Variants in AKAP13 observed in about 807,000 individuals in gnomAD.
AKAP13 encodes the protein A-kinase anchoring protein 13.
In AKAP13, 80 loss-of-function variants were observed where a neutral mutation model predicts 264.5. That is an observed-to-expected ratio of 0.30 (90% CI 0.25 to 0.36). The LOEUF (loss-of-function observed/expected upper bound fraction) is 0.36, where lower values mean the gene tolerates loss of function less well. Ranked by LOEUF, AKAP13 falls within the 10% of genes least tolerant of loss-of-function variation. The probability of loss-of-function intolerance (pLI) is 1.00; values close to 1 mark genes in which losing one functional copy is unlikely to be tolerated. For synonymous variants in AKAP13, 1,380 were observed against 1,250.2 expected, an observed-to-expected ratio of 1.10 and a Z score of -2.19; for missense variants, 3,712 against 3,435.2, an observed-to-expected ratio of 1.08 and a Z score of -2.01.
chr15:85,685,935 A>C (rs1030386003), intron 16 of AKAP13, among the ~76,000 whole-genome samples: 12 of 152,162 alleles, frequency 7.9e-5, no homozygotes, highest in African/African-American at 2.9e-4. Context: ...ATCTTTTTTA[A>C]AAATGTATTT....
rs76737099 is a variant in AKAP13 at position 85,708,444 on chromosome 15, A to G, written c.5532+358A>G. ...ACACCTGTCTTCCTCCTTCAGGACT[A>G]TCAGGGCAGCAGGTGGAGGTCAGGG... On this transcript the variant is annotated intron_variant, in intron 18 of 36. Transcript: ENST00000394518. The surrounding 1 kb of genome is among the most constrained non-coding windows in gnomAD (Gnocchi z 4.3). 0.01 allele frequency among the ~76,000 whole-genome samples: 1,557 copies of G among 152,162 alleles called. 28 individuals carry two copies. Among genetic ancestry groups the G allele is most frequent in the African/African-American group, 0.033 (1,364 of 41,500 alleles).
intron 8 of AKAP13, among the ~76,000 whole-genome samples, chr15:85,601,494 C>T (rs981192451): frequency 6.6e-6 from 1 of 152,056 alleles, no homozygotes; most frequent in African/African-American, 2.4e-5. Context: ...AAGATTCTAT[C>T]CTTTTCCCCC....
chr15:85,650,733 G>T lies in AKAP13; in HGVS notation c.4375-4684G>T, dbSNP rs552612742. ...ATTGTGCCACCATACTCCAGCCTGG[G>T]CAACAGAGTGAGACTCCATCTCAAA... On this transcript the variant is annotated intron_variant, in intron 10 of 36. Coordinates refer to ENST00000394518, the MANE Select transcript of AKAP13 (RefSeq NM_007200.5). 8.5e-5 allele frequency among the ~76,000 whole-genome samples: 8 copies of T among 94,614 alleles called. No homozygotes were observed. The East Asian group carries it at 2.5e-3, about 29-fold the overall frequency. The allele number at this position is 94,614 out of a possible 152,430, so 62.1% of individuals were successfully genotyped here. A position where few individuals can be genotyped will look rare whatever the true frequency, so the allele number is the denominator to read the frequency against.
chr15:85,434,354 A>G (rs2073169547), intron 1 of AKAP13, among the ~76,000 whole-genome samples: 1 of 152,198 alleles, frequency 6.6e-6, no homozygotes, highest in Non-Finnish European at 1.5e-5. Context: ...CTAGCACAGC[A>G]GTCTGAAATC....
At chr15:85,634,840 CTT>C (rs34893286) in intron 8 of AKAP13, among the ~76,000 whole-genome samples, 59 of 142,762 alleles carry the variant, frequency 4.1e-4, no homozygotes, top group East Asian at 6.1e-4. Context: ...TTGAGTCTGG[CTT>C]TTTTTTTTTT....
Position 85,579,139 on chromosome 15 carries a change from A to C in AKAP13, c.1071A>C (p.Ser357=), listed in dbSNP as rs549413677. 4.1e-5 allele frequency: 66 copies of C among 1,614,152 alleles called. 1 individual carries two copies. In the East Asian group the frequency reaches 1.0e-3, roughly 25 times the overall value. The stretch of plus-strand genomic sequence containing the variant: ...AGACTGAAAGTCCCTGTGATTTGTC[A>C]AGCATAGTTGAGGAGGAGAATACAG... The part of the protein sequence containing the change: ...VAQTESPCDL[S]SIVEEENTDR... The change falls in exon 7 of 37, where the codon TCA becomes TCC. Residue 357 remains serine, a synonymous_variant. Coordinates refer to ENST00000394518, the MANE Select transcript of AKAP13 (RefSeq NM_007200.5).
intron 1 of AKAP13, among the ~76,000 whole-genome samples, chr15:85,401,874 G>C (rs978476488): frequency 6.6e-6 from 1 of 152,164 alleles, no homozygotes; most frequent in African/African-American, 2.4e-5. Context: ...CAAGACAGTA[G>C]TAATAAGAAT....
At chr15:85,537,345 C>G (rs1198164346) in intron 4 of AKAP13, among the ~76,000 whole-genome samples, 1 of 152,202 alleles carries the variant, frequency 6.6e-6, no homozygotes, top group Non-Finnish European at 1.5e-5. Context: ...AATAAGGCAC[C>G]TTGTTACATA....
chr15:85,655,298 C>G, intron 10 of AKAP13, 119 bp from the exon 11 acceptor site: 1 of 1,288,616 alleles, frequency 7.8e-7, no homozygotes, highest in Non-Finnish European at 1.0e-6. Flanking sequence ...GTCTCTGAGG[C>G]CAATTATGAT....
At chr15:85,470,238 G>A (rs577987000) in intron 1 of AKAP13, among the ~76,000 whole-genome samples, 1 of 152,254 alleles carries the variant, frequency 6.6e-6, no homozygotes, top group African/African-American at 2.4e-5. Flanking sequence ...GTAGTGAGCC[G>A]AGACCTCGCC....
chr15:85,677,231 G>A (rs1239252769), intron 14 of AKAP13: 2 of 777,826 alleles, frequency 2.6e-6, no homozygotes, highest in East Asian at 2.6e-4. Context: ...TAAGTCATTT[G>A]TCTTTATGCT....
intron 8 of AKAP13, among the ~76,000 whole-genome samples, chr15:85,615,418 G>A (rs993791679): frequency 3.2e-5 from 4 of 126,214 alleles, no homozygotes; most frequent in African/African-American, 1.2e-4. Context: ...TACAAGGAAA[G>A]CCTAATTGGA....
intron 5 of AKAP13, among the ~76,000 whole-genome samples, chr15:85,547,467 G>A (rs1009313836): frequency 6.7e-6 from 1 of 149,642 alleles, no homozygotes; most frequent in Non-Finnish European, 1.5e-5. Flanking sequence ...GACATATAAG[G>A]ATTCTCTAAG....
chr15:85,538,865 C>T (rs1427342788), intron 4 of AKAP13, among the ~76,000 whole-genome samples: 1 of 148,506 alleles, frequency 6.7e-6, no homozygotes, highest in Non-Finnish European at 1.5e-5. Flanking sequence ...GAGTCTTGCT[C>T]TGTCCCCCAG....
chr15:85,634,222 T>TCCAA (rs2081981073), intron 8 of AKAP13, among the ~76,000 whole-genome samples: 1 of 151,710 alleles, frequency 6.6e-6, no homozygotes, highest in South Asian at 2.1e-4. Context: ...CATTTTATTG[T>TCCAA]CAGTTATAAT....
At chr15:85,382,394 A>G (rs187537578) in intron 1 of AKAP13, among the ~76,000 whole-genome samples, 59 of 152,310 alleles carry the variant, frequency 3.9e-4, no homozygotes, top group Admixed American at 3.5e-3. Context: ...AATTTTCTTC[A>G]GGTACAGCCA....
At chr15:85,563,088 A>G (rs1047957318) in intron 5 of AKAP13, among the ~76,000 whole-genome samples, 2 of 151,980 alleles carry the variant, frequency 1.3e-5, no homozygotes, top group African/African-American at 2.4e-5. Flanking sequence ...AGACCATGGT[A>G]TAAATGGGAT....
chr15:85,586,293 C>T (rs1286553069), intron 8 of AKAP13, among the ~76,000 whole-genome samples: 5 of 151,450 alleles, frequency 3.3e-5, no homozygotes, highest in East Asian at 1.9e-4. Context: ...TGGGTGAAAG[C>T]GATTCTCCTG....
intron 12 of AKAP13, among the ~76,000 whole-genome samples, chr15:85,663,186 T>C (rs1318405469): frequency 6.6e-6 from 1 of 152,062 alleles, no homozygotes; most frequent in African/African-American, 2.4e-5. Flanking sequence ...AGCAGGTGCC[T>C]GTAATCCCAG....
Sources: allele counts gnomAD v4.1 joint callset (sites outside exome capture counted in the v4.1 genomes callset), GRCh38; gene constraint gnomAD v4.1.1; non-coding constraint Gnocchi (gnomAD v3.1); transcripts MANE v1.5; gene names NCBI Gene and HGNC (gene_info 2026-07-23, HGNC 2026-07-21).